PPP1R9A: variants seen among roughly 807,000 people sequenced by gnomAD.
PPP1R9A encodes neurabin-1.
A neutral mutation model predicts 141.9 loss-of-function variants in PPP1R9A; 59 were observed. The observed-to-expected ratio is 0.42, with a 90% confidence interval of 0.34 to 0.52. The LOEUF is 0.52. Among genes scored for constraint, PPP1R9A ranks in the 20% least tolerant of loss-of-function variants. The pLI, the probability that PPP1R9A is intolerant of heterozygous loss-of-function variation, is 0.10. For synonymous variants in PPP1R9A, 500 were observed against 569.7 expected, an observed-to-expected ratio of 0.88 and a Z score of 1.74; for missense variants, 1,444 against 1,611.9, an observed-to-expected ratio of 0.90 and a Z score of 1.78.
chr7:94,924,627 C>T (rs1035033028), intron 2 of PPP1R9A, among the ~76,000 whole-genome samples: 1 of 152,176 alleles, frequency 6.6e-6, no homozygotes, highest in African/African-American at 2.4e-5. Flanking sequence ...CTCCCGAGTT[C>T]AAGCGATTCT....
chr7:95,068,734 G>C (rs1360218714), intron 2 of PPP1R9A, among the ~76,000 whole-genome samples: 2 of 152,106 alleles, frequency 1.3e-5, no homozygotes, highest in South Asian at 2.1e-4. Context: ...ATAGTGGGCT[G>C]TAGGACCAAG....
At chr7:95,172,053 A>AT (rs1379728216) in intron 5 of PPP1R9A, among the ~76,000 whole-genome samples, 24 of 151,582 alleles carry the variant, frequency 1.6e-4, no homozygotes, top group Non-Finnish European at 1.0e-4. Context: ...ATAGATGTAG[A>AT]TTTTTTTAAA....
At chr7:95,127,441 T>C (rs1223453632) in intron 4 of PPP1R9A, among the ~76,000 whole-genome samples, 1 of 152,104 alleles carries the variant, frequency 6.6e-6, no homozygotes, top group Non-Finnish European at 1.5e-5. Flanking sequence ...CGAAAGTCTA[T>C]CGTTACTGTT....
chr7:95,141,896 TAG>T (rs1826764874), intron 4 of PPP1R9A, among the ~76,000 whole-genome samples: 1 of 152,160 alleles, frequency 6.6e-6, no homozygotes, highest in African/African-American at 2.4e-5. Flanking sequence ...TATCTAGTGG[TAG>T]AGTTTCTGGG....
chr7:95,217,803 G>T (rs1386912819), intron 7 of PPP1R9A, among the ~76,000 whole-genome samples: 1 of 152,166 alleles, frequency 6.6e-6, no homozygotes, highest in Non-Finnish European at 1.5e-5. Context: ...ATTTCTGTGG[G>T]ATCAGTGGTG....
intron 6 of PPP1R9A, among the ~76,000 whole-genome samples, chr7:95,200,266 G>T (rs946822195): frequency 6.7e-6 from 1 of 149,786 alleles, no homozygotes; most frequent in Non-Finnish European, 1.5e-5. Context: ...ATAAAATTTT[G>T]CTCTTTTTTT....
chr7:95,020,504 C>T (rs1805790456), intron 2 of PPP1R9A, among the ~76,000 whole-genome samples: 1 of 151,994 alleles, frequency 6.6e-6, no homozygotes. Context: ...GGTACATGTG[C>T]AGCACGTGCA....
intron 8 of PPP1R9A, among the ~76,000 whole-genome samples, chr7:95,245,770 G>A (rs1301589509): frequency 1.3e-5 from 2 of 152,180 alleles, no homozygotes; most frequent in African/African-American, 4.8e-5. Flanking sequence ...CACTTGTGCT[G>A]TGGTAAGAAA....
chr7:95,126,967 TC>T (rs1823665694), intron 4 of PPP1R9A, among the ~76,000 whole-genome samples: 1 of 152,056 alleles, frequency 6.6e-6, no homozygotes, highest in African/African-American at 2.4e-5. Flanking sequence ...CATCCATTAT[TC>T]CCCTCATCTC....
intron 18 of PPP1R9A, among the ~76,000 whole-genome samples, chr7:95,287,714 C>A (rs1419934232): frequency 2.6e-5 from 4 of 152,120 alleles, no homozygotes; most frequent in Non-Finnish European, 4.4e-5. Context: ...TTAAGACAGT[C>A]TCACTCTGTT....
At chr7:95,020,374 TA>T (rs1268195677) in intron 2 of PPP1R9A, among the ~76,000 whole-genome samples, 1 of 152,202 alleles carries the variant, frequency 6.6e-6, no homozygotes, top group Non-Finnish European at 1.5e-5. Flanking sequence ...AACGAAGATA[TA>T]AATTAAATAT....
intron 2 of PPP1R9A, among the ~76,000 whole-genome samples, chr7:95,035,499 A>G (rs922572720): frequency 1.3e-5 from 2 of 152,078 alleles, no homozygotes; most frequent in Non-Finnish European, 2.9e-5. Flanking sequence ...ATCCTCTGAG[A>G]TCTGTGGATT....
chr7:95,288,416 A>G (rs1357893706), intron 18 of PPP1R9A, 120 bp from the exon 19 acceptor site: 1 of 1,382,626 alleles, frequency 7.2e-7, no homozygotes, highest in Non-Finnish European at 9.6e-7. Context: ...CCATTAGCTT[A>G]TCATATTTTG....
intron 7 of PPP1R9A, among the ~76,000 whole-genome samples, chr7:95,205,436 G>A (rs565882993): frequency 6.6e-6 from 1 of 152,310 alleles, no homozygotes; most frequent in South Asian, 2.1e-4. Flanking sequence ...AGAGTTTGCA[G>A]TGTTAAAGAG....
chr7:95,120,271 A>C (rs960645834), intron 3 of PPP1R9A, among the ~76,000 whole-genome samples: 3 of 152,056 alleles, frequency 2.0e-5, no homozygotes, highest in Non-Finnish European at 4.4e-5. Flanking sequence ...GTACTATCTT[A>C]TTAACATGAA....
At position 94,910,455 on chromosome 7, in the gene PPP1R9A, T is replaced by C. The variant is rs1363826185; in HGVS notation, c.342T>C (p.Val114=). The part of the protein sequence containing the change: ...EFLEKTDGSV[V]KLESSVSERI... ...TGGAAAAAACAGATGGCTCAGTTGTTAAGTTGGAGTCTTCTGTTTCTGAAC... is the reference window on the plus strand; with the variant it reads ...TGGAAAAAACAGATGGCTCAGTTGTCAAGTTGGAGTCTTCTGTTTCTGAAC... Residue 114 remains valine (V), a synonymous_variant, in exon 2 of 20, where the codon GTT becomes GTC. Coordinates refer to ENST00000433360, the MANE Select transcript of PPP1R9A (RefSeq NM_001166160.2). This position sits in a 1 kb window ranked among gnomAD's most constrained non-coding sequence, Gnocchi z 4.5. 7 of 1,614,078 alleles carry C rather than the reference T, an allele frequency of 4.3e-6. No individual in the cohort carries two copies. In the East Asian group the frequency reaches 1.6e-4, roughly 36 times the overall value.
At position 95,292,909 on chromosome 7, in the gene PPP1R9A, T is replaced by C. The variant is rs532005542; in HGVS notation, c.*2606T>C. 3 of 152,324 alleles carry C rather than the reference T, an allele frequency of 2.0e-5. No homozygotes were observed. In the East Asian group the frequency reaches 5.8e-4, roughly 29 times the overall value. 9.4% of individuals were successfully genotyped at this position (152,324 alleles called of 1,614,324 possible). On this transcript the variant is annotated 3_prime_UTR_variant, in exon 20 of 20. Transcript: ENST00000433360. The stretch of plus-strand genomic sequence containing the variant: ...GCATGATACCTAATCAAGGCTCCAA[T>C]GTCTTGCACAATTCCTACTTTAATG...
intron 2 of PPP1R9A, among the ~76,000 whole-genome samples, chr7:94,912,023 T>G (rs1428427178): frequency 6.6e-6 from 1 of 152,166 alleles, no homozygotes; most frequent in Non-Finnish European, 1.5e-5. Context: ...GAACTTTTTT[T>G]GGGGGGTACT....
In PPP1R9A at chr7:95,250,052, G is replaced by T; in HGVS notation, c.2193G>T (p.Val731=). 1 of 1,608,490 alleles carries T rather than the reference G, an allele frequency of 6.2e-7. No individual in the cohort carries two copies. The highest frequency in any genetic ancestry group is 8.5e-7 in the Non-Finnish European group (1 of 1,178,264). ...TKLQAAENEK[V]RWELEKTQLQ... ...TGCAGGCAGCAGAAAATGAGAAAGTGAGGTGGGAACTAGAAAAAACCCAAC... is the reference window on the plus strand; with the variant it reads ...TGCAGGCAGCAGAAAATGAGAAAGTTAGGTGGGAACTAGAAAAAACCCAAC... The change falls in exon 10 of 20, where the codon GTG becomes GTT. Residue 731 remains valine (V), a synonymous_variant. Coordinates refer to ENST00000433360, the MANE Select transcript of PPP1R9A (RefSeq NM_001166160.2).
Sources: gnomAD v4.1 joint callset for allele counts (sites outside exome capture counted in the v4.1 genomes callset) on GRCh38, gnomAD v4.1.1 for gene constraint, Gnocchi (gnomAD v3.1) non-coding constraint, MANE v1.5 for transcripts, NCBI Gene and HGNC (gene_info 2026-07-23, HGNC 2026-07-21) for gene names.